The following PCDH7 variants were observed in gnomAD, a reference collection of about 807,000 sequenced individuals.
PCDH7 encodes the protein protocadherin 7.
PCDH7 carries 17 observed loss-of-function variants against 58.9 expected under a neutral mutation model. That is an observed-to-expected ratio of 0.29 (90% CI 0.20 to 0.43). The LOEUF is 0.43. Ranked by LOEUF, PCDH7 falls within the 20% of genes least tolerant of loss-of-function variation. The pLI, the probability that PCDH7 is intolerant of heterozygous loss-of-function variation, is 1.00. For synonymous variants in PCDH7, 664 were observed against 616.4 expected (o/e 1.08, Z -1.14); for missense variants, 1,274 against 1,441.0 (o/e 0.88, Z 1.88).
At chr4:30,872,094 C>T (rs1030185141) in intron 1 of PCDH7, among the ~76,000 whole-genome samples, 1 of 152,044 alleles carries the variant, frequency 6.6e-6, no homozygotes, top group South Asian at 2.1e-4. Context: ...TTCAACATAT[C>T]TTTTGGGAGA....
At chr4:30,743,231 G>T (rs1717313358) in intron 1 of PCDH7, among the ~76,000 whole-genome samples, 1 of 152,124 alleles carries the variant, frequency 6.6e-6, no homozygotes, top group South Asian at 2.1e-4. Context: ...AAAAATAGCA[G>T]AGTTACATTG....
At chr4:30,894,685 G>A (rs1739176802) in intron 1 of PCDH7, among the ~76,000 whole-genome samples, 1 of 148,958 alleles carries the variant, frequency 6.7e-6, no homozygotes, top group Non-Finnish European at 1.5e-5. Flanking sequence ...TTGGTCATGA[G>A]TAATATTTGA....
chr4:30,888,743 T>C (rs972041427), intron 1 of PCDH7, among the ~76,000 whole-genome samples: 3 of 152,136 alleles, frequency 2.0e-5, no homozygotes, highest in Admixed American at 2.0e-4. Context: ...GAGAAGAAAT[T>C]GGACTGGAGA....
At chr4:31,071,330 TC>T (rs1296533104) in intron 3 of PCDH7, among the ~76,000 whole-genome samples, 6 of 152,072 alleles carry the variant, frequency 3.9e-5, no homozygotes, top group Admixed American at 3.9e-4. Flanking sequence ...TACATGTGTG[TC>T]TGTTGTTTAC....
rs1272697769 is a variant in PCDH7 at position 31,093,657 on chromosome 4, C to A, written c.*8-48816C>A. 2.6e-5 allele frequency among the ~76,000 whole-genome samples: 4 copies of A among 152,032 alleles called. No homozygotes were observed. In the East Asian group the frequency reaches 7.7e-4, roughly 29 times the overall value. Reference sequence around the variant, plus strand: ...ACTTAAAACTTAAACGTAAGCTTTTCTTAAAAGCATCAGTGCAAGTATATC... The same window carrying A: ...ACTTAAAACTTAAACGTAAGCTTTTATTAAAAGCATCAGTGCAAGTATATC... On this transcript the variant is annotated intron_variant, in intron 3 of 3. Coordinates refer to the PCDH7 transcript ENST00000509759.
chr4:31,026,520 T>C lies in PCDH7; in HGVS notation c.*7+76305T>C, dbSNP rs1754447912. Among the ~76,000 whole-genome samples, 2 of 152,194 alleles carry C rather than the reference T, an allele frequency of 1.3e-5. 1 individual carries two copies. The highest frequency in any genetic ancestry group is 4.1e-4 in the South Asian group (2 of 4,838). ...CTATGATAAATTTGTATGCAGATATTGTCTGCAGCATAATTTTTATGTATT... is the reference window on the plus strand; with the variant it reads ...CTATGATAAATTTGTATGCAGATATCGTCTGCAGCATAATTTTTATGTATT... On this transcript the variant is annotated intron_variant, in intron 3 of 3. Transcript: ENST00000509759.
At chr4:30,866,027 TTGAATTCCTGTATGTTAAA>T (rs1441604174) in intron 1 of PCDH7, among the ~76,000 whole-genome samples, 1 of 152,096 alleles carries the variant, frequency 6.6e-6, no homozygotes. Context: ...CTGAACCTAG[TTGAATTCCTGTATGTTAAA>T]TGAACATGAA....
downstream of PCDH7, among the ~76,000 whole-genome samples, chr4:30,736,702 A>AT (rs1260976826): frequency 1.3e-5 from 2 of 151,464 alleles, no homozygotes; most frequent in Admixed American, 6.6e-5. Context: ...CTCCCGGCTA[A>AT]TTTTTTTGAG....
intron 1 of PCDH7, among the ~76,000 whole-genome samples, chr4:30,845,774 T>G (rs1268262949): frequency 1.3e-5 from 2 of 151,982 alleles, no homozygotes; most frequent in Non-Finnish European, 2.9e-5. Flanking sequence ...TTAAAAACTT[T>G]TAGAGACAGA....
At chr4:30,926,786 T>C (rs1743929941) in intron 2 of PCDH7, among the ~76,000 whole-genome samples, 1 of 152,222 alleles carries the variant, frequency 6.6e-6, no homozygotes, top group Non-Finnish European at 1.5e-5. Context: ...ATGGTCTTTC[T>C]ACATTCTTTT....
At chr4:30,977,022 G>A (rs902370246) in intron 3 of PCDH7, among the ~76,000 whole-genome samples, 3 of 151,984 alleles carry the variant, frequency 2.0e-5, no homozygotes, top group African/African-American at 7.3e-5. Context: ...GAAAATATAT[G>A]GTTATTTTAA....
At chr4:30,829,160 G>A (rs966266195) in intron 1 of PCDH7, among the ~76,000 whole-genome samples, 7 of 151,936 alleles carry the variant, frequency 4.6e-5, no homozygotes, top group African/African-American at 1.7e-4. Context: ...AAGAGCATTT[G>A]AGAAACTGAT....
intron 1 of PCDH7, among the ~76,000 whole-genome samples, chr4:30,832,220 C>T (rs1729894197): frequency 6.6e-6 from 1 of 152,152 alleles, no homozygotes; most frequent in Non-Finnish European, 1.5e-5. Flanking sequence ...AACACAAAAA[C>T]ATCCCGTGAC....
chr4:31,038,608 T>C (rs1578628894), intron 3 of PCDH7, among the ~76,000 whole-genome samples: 1 of 152,318 alleles, frequency 6.6e-6, no homozygotes, highest in South Asian at 2.1e-4. Context: ...GAATTGTATA[T>C]ACATGTAATT....
At chr4:30,902,783 A>G (rs1372497367) in intron 1 of PCDH7, among the ~76,000 whole-genome samples, 1 of 152,182 alleles carries the variant, frequency 6.6e-6, no homozygotes, top group Non-Finnish European at 1.5e-5. Flanking sequence ...TTCAAATATG[A>G]AATGTAAACA....
intron 3 of PCDH7, among the ~76,000 whole-genome samples, chr4:31,051,516 T>C (rs777049380): frequency 2.3e-4 from 35 of 152,324 alleles, no homozygotes; most frequent in South Asian, 1.0e-3. Flanking sequence ...TGTAGGTTTT[T>C]AAAAATTGTT....
intron 1 of PCDH7, among the ~76,000 whole-genome samples, chr4:30,863,077 A>G (rs527857505): frequency 1.3e-5 from 2 of 152,234 alleles, no homozygotes; most frequent in East Asian, 3.9e-4. Flanking sequence ...TCCCTTTGCA[A>G]TTTCAAAGCA....
In PCDH7 at chr4:30,843,739, C is replaced by A. The variant is rs868857266; in HGVS notation, c.71-76414C>A. Among the ~76,000 whole-genome samples, 51 of 152,100 alleles carry A rather than the reference C, an allele frequency of 3.4e-4. 1 individual carries two copies. The Middle Eastern group carries it at 0.014, about 41-fold the overall frequency. On this transcript the variant is annotated intron_variant, in intron 1 of 3. Transcript: ENST00000509759. ...ACATTTGGGCTGAGATTGCAATTTA[C>A]CTTTTCATCAAGATTTGGATGGCCT...
intron 3 of PCDH7, among the ~76,000 whole-genome samples, chr4:31,113,935 C>A (rs540631735): frequency 6.6e-6 from 1 of 150,736 alleles, no homozygotes; most frequent in African/African-American, 2.4e-5. Context: ...CAGGTTCAAG[C>A]CATTCTCTTG....
Sources: gnomAD v4.1 joint callset for allele counts (sites outside exome capture counted in the v4.1 genomes callset) on GRCh38, gnomAD v4.1.1 for gene constraint, MANE v1.5 for transcripts, NCBI Gene and HGNC (gene_info 2026-07-23, HGNC 2026-07-21) for gene names.